Variants in FUT8 observed in about 807,000 individuals in gnomAD.
FUT8 encodes the protein fucosyltransferase 8.
FUT8 carries 29 observed loss-of-function variants against 71.3 expected under a neutral mutation model. That is an observed-to-expected ratio of 0.41 (90% CI 0.30 to 0.55). The LOEUF (loss-of-function observed/expected upper bound fraction) is 0.55. FUT8 is among the 20% of genes least tolerant of loss of function. FUT8 has a pLI of 0.34. For missense variants in FUT8, 544 were observed against 702.1 expected (o/e 0.77, Z 2.55); for synonymous variants, 254 against 239.3 (o/e 1.06, Z -0.57).
At chr14:65,416,853 G>A (rs1255197716) in intron 1 of FUT8, among the ~76,000 whole-genome samples, 1 of 149,746 alleles carries the variant, frequency 6.7e-6, no homozygotes, top group African/African-American at 2.5e-5. Context: ...GCGTGATCAC[G>A]GCTCACTGCA....
chr14:65,525,836 G>C (rs1454607204), intron 2 of FUT8, among the ~76,000 whole-genome samples: 1 of 152,190 alleles, frequency 6.6e-6, no homozygotes, highest in African/African-American at 2.4e-5. Context: ...AGTCATTCAG[G>C]AGCAGGTTGT....
chr14:65,680,965 C>G (rs1893007926), intron 7 of FUT8, among the ~76,000 whole-genome samples: 2 of 152,206 alleles, frequency 1.3e-5, no homozygotes, highest in Admixed American at 1.3e-4. Flanking sequence ...GTTTTGTGTA[C>G]TTTTACTGAT....
chr14:65,637,938 A>G (rs1006148015), intron 6 of FUT8, among the ~76,000 whole-genome samples: 2 of 152,140 alleles, frequency 1.3e-5, no homozygotes, highest in African/African-American at 4.8e-5. Flanking sequence ...TCATCTTGGT[A>G]TTACTCATGA....
intron 2 of FUT8, among the ~76,000 whole-genome samples, chr14:65,505,598 T>C (rs913441055): frequency 2.0e-4 from 30 of 152,082 alleles, no homozygotes; most frequent in Non-Finnish European, 1.5e-5. Context: ...AGGAGTGAGC[T>C]ACCGTGCCCG....
intron 7 of FUT8, among the ~76,000 whole-genome samples, chr14:65,716,923 G>GAC (rs1895103111): frequency 7.0e-6 from 1 of 141,990 alleles, no homozygotes; most frequent in African/African-American, 2.7e-5. Context: ...CTTCCCAGAT[G>GAC]GGGCGGCCGG....
At chr14:65,690,831 T>A (rs374935979) in intron 7 of FUT8, among the ~76,000 whole-genome samples, 6 of 152,148 alleles carry the variant, frequency 3.9e-5, no homozygotes. Flanking sequence ...TGCAAGCTGA[T>A]AATCCTGCCT....
At chr14:65,702,448 G>A (rs560703096) in intron 7 of FUT8, among the ~76,000 whole-genome samples, 99 of 152,182 alleles carry the variant, frequency 6.5e-4, no homozygotes, top group African/African-American at 2.2e-3. Flanking sequence ...GCATACAGTT[G>A]GTTCTCAATA....
intron 1 of FUT8, among the ~76,000 whole-genome samples, chr14:65,445,133 G>A (rs977311268): frequency 1.3e-5 from 2 of 152,098 alleles, no homozygotes; most frequent in African/African-American, 2.4e-5. Context: ...CTAAACCTGC[G>A]AGGCAGAGGA....
intron 9 of FUT8, among the ~76,000 whole-genome samples, chr14:65,725,416 T>C (rs1386376665): frequency 1.3e-5 from 2 of 152,262 alleles, no homozygotes; most frequent in African/African-American, 4.8e-5. Flanking sequence ...CAAATCCTGA[T>C]TGGACACTTC....
intron 7 of FUT8, among the ~76,000 whole-genome samples, chr14:65,697,631 A>ATATAAT (rs1894061180): frequency 1.3e-5 from 2 of 152,334 alleles, no homozygotes; most frequent in Admixed American, 1.3e-4. Context: ...TAATCATCAC[A>ATATAAT]AACAGCTATA....
chr14:65,357,026 T>A, the FUT8 span, among the ~76,000 whole-genome samples: 1 of 152,192 alleles, frequency 6.6e-6, no homozygotes, highest in South Asian at 2.1e-4. Context: ...CTGGGTCTCA[T>A]CTGGATTAAT....
intron 3 of FUT8, among the ~76,000 whole-genome samples, chr14:65,604,050 C>A (rs1005478702): frequency 6.6e-6 from 1 of 151,596 alleles, no homozygotes; most frequent in Non-Finnish European, 1.5e-5. Flanking sequence ...ATATACAAGG[C>A]CTTGTAACAA....
At chr14:65,565,497 A>G (rs1286085273) in intron 3 of FUT8, among the ~76,000 whole-genome samples, 1 of 151,836 alleles carries the variant, frequency 6.6e-6, no homozygotes, top group Non-Finnish European at 1.5e-5. Flanking sequence ...GTATGACCAT[A>G]GTTTTTATTT....
At chr14:65,667,008 G>T (rs1387302593) in intron 6 of FUT8, among the ~76,000 whole-genome samples, 1 of 152,048 alleles carries the variant, frequency 6.6e-6, no homozygotes, top group African/African-American at 2.4e-5. Flanking sequence ...AGCCATCGAA[G>T]GAACATACCT....
intron 1 of FUT8, among the ~76,000 whole-genome samples, chr14:65,443,224 C>T (rs142806003): frequency 4.4e-4 from 67 of 151,714 alleles, no homozygotes; most frequent in African/African-American, 1.5e-3. Context: ...TCCTGGCTAA[C>T]GCGGTGAAAC....
chr14:65,414,253 T>C (rs1053096246), intron 1 of FUT8, among the ~76,000 whole-genome samples: 5 of 152,210 alleles, frequency 3.3e-5, no homozygotes, highest in Admixed American at 2.6e-4. Flanking sequence ...CTATGAAAAC[T>C]GTAGGCAGGT....
At chr14:65,587,799 T>A (rs1236537924) in intron 3 of FUT8, among the ~76,000 whole-genome samples, 1 of 152,224 alleles carries the variant, frequency 6.6e-6, no homozygotes, top group East Asian at 1.9e-4. Context: ...GTTGTGTGGT[T>A]GGTAGTCAGT....
At chr14:65,728,123 C>T (rs1356751891) in intron 9 of FUT8, among the ~76,000 whole-genome samples, 1 of 152,222 alleles carries the variant, frequency 6.6e-6, no homozygotes, top group Admixed American at 6.5e-5. Context: ...GAAACTCCCA[C>T]ATTTTCCTGT....
At chr14:65,527,775 C>T (rs1883600531) in intron 2 of FUT8, among the ~76,000 whole-genome samples, 2 of 152,172 alleles carry the variant, frequency 1.3e-5, no homozygotes, top group South Asian at 4.1e-4. Flanking sequence ...ACAGTCAGGA[C>T]CCTCAGCTGC....
Sources: gnomAD v4.1 joint callset for allele counts (sites outside exome capture counted in the v4.1 genomes callset) on GRCh38, gnomAD v4.1.1 for gene constraint, MANE v1.5 for transcripts, NCBI Gene and HGNC (gene_info 2026-07-23, HGNC 2026-07-21) for gene names.